C7orf78: variants seen among roughly 807,000 people sequenced by gnomAD.
C7orf78 encodes putative uncharacterized protein C7orf78.
chr7:12,533,056 A>G, the C7orf78 span, among the ~76,000 whole-genome samples: 1 of 152,192 alleles, frequency 6.6e-6, no homozygotes, highest in African/African-American at 2.4e-5. Flanking sequence ...ATCCCGCTGT[A>G]CATATATAAA....
chr7:12,515,353 A>G, the C7orf78 span, among the ~76,000 whole-genome samples: 4 of 152,286 alleles, frequency 2.6e-5, no homozygotes, highest in South Asian at 2.1e-4. Flanking sequence ...TGCCATGTAA[A>G]AAGTGCCTTT....
chr7:12,505,406 T>A, the C7orf78 span, among the ~76,000 whole-genome samples: 1 of 152,082 alleles, frequency 6.6e-6, no homozygotes, highest in East Asian at 1.9e-4. Context: ...CATAAATAAA[T>A]TATCCAGGTA....
the C7orf78 span, among the ~76,000 whole-genome samples, chr7:12,516,882 C>G: frequency 6.6e-6 from 1 of 152,150 alleles, no homozygotes; most frequent in Admixed American, 6.5e-5. Context: ...AAGTAACTAG[C>G]TTGCTTTTGA....
the C7orf78 span, among the ~76,000 whole-genome samples, chr7:12,495,886 T>G: frequency 6.6e-6 from 1 of 152,216 alleles, no homozygotes; most frequent in Non-Finnish European, 1.5e-5. Context: ...TTGCCACAAC[T>G]TGTTGCGTTC....
chr7:12,485,975 G>A, the C7orf78 span, among the ~76,000 whole-genome samples: 1 of 152,082 alleles, frequency 6.6e-6, no homozygotes, highest in South Asian at 2.1e-4. Context: ...CCTCTCCTAG[G>A]TGAGACATAG....
the C7orf78 span, among the ~76,000 whole-genome samples, chr7:12,520,281 T>C: frequency 6.6e-6 from 1 of 152,222 alleles, no homozygotes; most frequent in Non-Finnish European, 1.5e-5. Flanking sequence ...GTTTCTTCTG[T>C]CTGGAGAAGG....
At chr7:12,525,940 A>C in the C7orf78 span, 41 of 396,190 alleles carry the variant, frequency 1.0e-4, no homozygotes, top group Admixed American at 1.8e-4. Context: ...TTGGAAAAAA[A>C]ACTCTGCATT....
chr7:12,527,619 A>G, the C7orf78 span, among the ~76,000 whole-genome samples: 1 of 131,818 alleles, frequency 7.6e-6, no homozygotes, highest in South Asian at 2.7e-4. Context: ...AGAAAATGCC[A>G]TCTAGCTGTG....
At chr7:12,518,422 A>G in the C7orf78 span, among the ~76,000 whole-genome samples, 1 of 152,106 alleles carries the variant, frequency 6.6e-6, no homozygotes, top group African/African-American at 2.4e-5. Flanking sequence ...CCATGTGCAG[A>G]CAGCATGGTG....
the C7orf78 span, among the ~76,000 whole-genome samples, chr7:12,510,390 G>A: frequency 1.3e-5 from 2 of 152,088 alleles, no homozygotes; most frequent in Non-Finnish European, 2.9e-5. Context: ...TCACCATGTT[G>A]CCCAGGATTG....
chr7:12,496,188 G>A, the C7orf78 span, among the ~76,000 whole-genome samples: 2 of 152,158 alleles, frequency 1.3e-5, no homozygotes, highest in African/African-American at 4.8e-5. Context: ...GCCTCCCAAA[G>A]TGCTGGGAAT....
At chr7:12,495,286 A>T in the C7orf78 span, among the ~76,000 whole-genome samples, 1 of 152,188 alleles carries the variant, frequency 6.6e-6, no homozygotes, top group African/African-American at 2.4e-5. Flanking sequence ...GTGGCCACAA[A>T]GTGGCTGTTT....
chr7:12,516,460 T>A, the C7orf78 span, among the ~76,000 whole-genome samples: 1 of 152,208 alleles, frequency 6.6e-6, no homozygotes, highest in Admixed American at 6.5e-5. Flanking sequence ...AAGGGTAATG[T>A]GCTGTGGGAG....
the C7orf78 span, among the ~76,000 whole-genome samples, chr7:12,508,072 T>C: frequency 6.6e-6 from 1 of 152,214 alleles, no homozygotes; most frequent in Admixed American, 6.5e-5. Context: ...CTGTAAGCCT[T>C]TTTATATGAC....
the C7orf78 span, among the ~76,000 whole-genome samples, chr7:12,524,149 G>A: frequency 6.6e-6 from 1 of 152,168 alleles, no homozygotes; most frequent in Admixed American, 6.6e-5. Flanking sequence ...TAAGATCAGA[G>A]TATCCCTGTT....
chr7:12,502,311 G>A, the C7orf78 span, among the ~76,000 whole-genome samples: 1 of 135,312 alleles, frequency 7.4e-6, no homozygotes, highest in Admixed American at 7.6e-5. Flanking sequence ...CAAAATGGGA[G>A]AAAATTTTTG....
At chr7:12,487,390 GA>G in the C7orf78 span, among the ~76,000 whole-genome samples, 1 of 151,992 alleles carries the variant, frequency 6.6e-6, no homozygotes, top group African/African-American at 2.4e-5. Flanking sequence ...TGATCCTTTA[GA>G]AAAATGAAGA....
the C7orf78 span, among the ~76,000 whole-genome samples, chr7:12,497,130 G>T: frequency 6.6e-6 from 1 of 152,198 alleles, no homozygotes; most frequent in East Asian, 1.9e-4. Context: ...CCAAGTCATA[G>T]GAGATTTTGG....
At chr7:12,515,773 G>A in the C7orf78 span, among the ~76,000 whole-genome samples, 7 of 152,122 alleles carry the variant, frequency 4.6e-5, no homozygotes, top group Non-Finnish European at 8.8e-5. Flanking sequence ...GCAAAGAGAC[G>A]GGTGGCATTT....
Sources: allele counts gnomAD v4.1 joint callset (sites outside exome capture counted in the v4.1 genomes callset), GRCh38; gene constraint gnomAD v4.1.1; transcripts MANE v1.5; gene names NCBI Gene and HGNC (gene_info 2026-07-23, HGNC 2026-07-21).